Variants in IQSEC1 observed in about 807,000 individuals in gnomAD.
The protein encoded by IQSEC1 is IQ motif and SEC7 domain-containing protein 1.
Under a neutral mutation model 91.0 loss-of-function variants are expected in IQSEC1, and 31 were observed. That is an observed-to-expected ratio of 0.34 (90% confidence interval 0.26 to 0.46). IQSEC1 has a LOEUF of 0.46. Ranked by LOEUF, IQSEC1 falls within the 20% of genes least tolerant of loss-of-function variation. IQSEC1 has a pLI of 1.00. For missense variants in IQSEC1, 1,388 were observed against 1,575.6 expected (o/e 0.88, Z 2.02); for synonymous variants, 699 against 662.6 (o/e 1.05, Z -0.84).
At chr3:12,921,172 G>T (rs941569277) in intron 5 of IQSEC1, among the ~76,000 whole-genome samples, 3 of 152,168 alleles carry the variant, frequency 2.0e-5, no homozygotes, top group Non-Finnish European at 2.9e-5. Flanking sequence ...CCCTCCACTG[G>T]TGACCTCGTG....
chr3:12,996,582 T>TA (rs777575560), intron 1 of IQSEC1, among the ~76,000 whole-genome samples: 14 of 151,864 alleles, frequency 9.2e-5, no homozygotes, highest in Non-Finnish European at 1.8e-4. Flanking sequence ...GGAATCAAAA[T>TA]ACCATAAACA....
chr3:13,055,307 G>A (rs1187381608), intron 1 of IQSEC1, among the ~76,000 whole-genome samples: 2 of 152,164 alleles, frequency 1.3e-5, no homozygotes, highest in Non-Finnish European at 2.9e-5. Flanking sequence ...GGTGAGACTT[G>A]TCTGGGCCTC....
intron 2 of IQSEC1, among the ~76,000 whole-genome samples, chr3:13,162,869 C>A (rs1304175059): frequency 1.3e-5 from 2 of 152,118 alleles, no homozygotes; most frequent in African/African-American, 2.4e-5. Flanking sequence ...TCCCCAGACC[C>A]TAGCCTTTGT....
rs139859163 is a variant in IQSEC1, at chr3:12,935,828, G to C, written c.1188C>G (p.Ser396Arg). The change falls in exon 3 of 14, where the codon AGC becomes AGG. Residue 396 changes from serine (S) to arginine (R), a missense_variant. Around this residue, in one of 2 missense-constraint regions of IQSEC1, gnomAD observed 1,059 missense variants for 1,317.8 expected, o/e 0.80. Transcript: ENST00000613206. The surrounding 1 kb of genome is among the most constrained non-coding windows in gnomAD (Gnocchi z 8.0). ...TGGGACTGCCCTGCTGCCCGCCAAG[G>C]CTGCGCTCGTAAGCACTCTGCCTCT... ...SLKRQSAYER[S>R]LGGQQGSPKH... 4.4e-6 allele frequency: 7 copies of C among 1,608,292 alleles called. No homozygotes were observed. In the Admixed American group the frequency reaches 6.7e-5, roughly 15 times the overall value.
At chr3:13,163,927 C>T (rs988233838) in intron 2 of IQSEC1, among the ~76,000 whole-genome samples, 21 of 152,198 alleles carry the variant, frequency 1.4e-4, no homozygotes, top group African/African-American at 3.6e-4. Flanking sequence ...AGCCAACAGA[C>T]GTGCTCTGCA....
intron 1 of IQSEC1, among the ~76,000 whole-genome samples, chr3:13,265,379 C>T (rs1695469890): frequency 6.6e-6 from 1 of 152,222 alleles, no homozygotes; most frequent in African/African-American, 2.4e-5. Context: ...ACTTGGGCCC[C>T]AGGGGGACCC....
chr3:13,195,186 CACAA>C (rs927740774), intron 1 of IQSEC1, among the ~76,000 whole-genome samples: 2 of 152,136 alleles, frequency 1.3e-5, no homozygotes, highest in Admixed American at 6.5e-5. Context: ...GGGCAAAAGA[CACAA>C]ACAAACACTT....
At chr3:13,006,156 C>T (rs969225248) in intron 1 of IQSEC1, among the ~76,000 whole-genome samples, 15 of 152,226 alleles carry the variant, frequency 9.9e-5, no homozygotes, top group African/African-American at 3.6e-4. Context: ...GGTACCCAGG[C>T]CTCTCCTGGG....
At chr3:13,087,783 G>C (rs557311958) in intron 2 of IQSEC1, among the ~76,000 whole-genome samples, 3 of 152,254 alleles carry the variant, frequency 2.0e-5, no homozygotes, top group African/African-American at 7.2e-5. Flanking sequence ...AAGGTCAAGG[G>C]GCTTGCACCT....
intron 2 of IQSEC1, among the ~76,000 whole-genome samples, chr3:13,152,528 T>G (rs1357528786): frequency 6.6e-6 from 1 of 152,226 alleles, no homozygotes; most frequent in African/African-American, 2.4e-5. Context: ...TCTATCTCAG[T>G]AAAAAGCACT....
At chr3:13,179,682 G>C (rs545219986) in intron 1 of IQSEC1, among the ~76,000 whole-genome samples, 6 of 152,264 alleles carry the variant, frequency 3.9e-5, no homozygotes, top group African/African-American at 1.4e-4. Flanking sequence ...AGCCTGCCAC[G>C]GCACTGTGGG....
At chr3:13,234,978 G>A (rs182025470) in intron 1 of IQSEC1, among the ~76,000 whole-genome samples, 143 of 152,308 alleles carry the variant, frequency 9.4e-4, no homozygotes, top group Admixed American at 3.8e-3. Flanking sequence ...GGAAGAGATG[G>A]GTGCAGGAGA....
intron 1 of IQSEC1, among the ~76,000 whole-genome samples, chr3:13,277,800 C>T (rs1695718837): frequency 6.6e-6 from 1 of 152,200 alleles, no homozygotes; most frequent in Non-Finnish European, 1.5e-5. Context: ...CCCTCTCGGC[C>T]TCACTCAGTC....
chr3:13,001,052 G>T (rs1418628803), intron 1 of IQSEC1, among the ~76,000 whole-genome samples: 1 of 149,472 alleles, frequency 6.7e-6, no homozygotes, highest in Non-Finnish European at 1.5e-5. Context: ...CTGGGTTCAA[G>T]CAATTCTCCT....
intron 2 of IQSEC1, among the ~76,000 whole-genome samples, chr3:13,094,961 A>G (rs1410616219): frequency 1.3e-5 from 2 of 152,164 alleles, no homozygotes; most frequent in East Asian, 3.9e-4. Flanking sequence ...AGTGCTCCTA[A>G]GCTTGTGGCT....
chr3:13,194,076 C>T (rs1694082985), intron 1 of IQSEC1, among the ~76,000 whole-genome samples: 1 of 152,208 alleles, frequency 6.6e-6, no homozygotes, highest in South Asian at 2.1e-4. Context: ...CTAATCCCCT[C>T]TTCCTAAGAG....
Position 12,901,268 on chromosome 3 carries a change from C to T in IQSEC1, c.3060G>A (p.Pro1020=), listed in dbSNP as rs747490315. 3.9e-5 allele frequency: 61 copies of T among 1,546,116 alleles called. No homozygotes were observed. The highest frequency in any genetic ancestry group is 1.7e-4 in the Middle Eastern group (1 of 5,820). ...GHHLGPPEGL[P]QAAMHGHHTQ... is the part of the protein sequence containing the mutation. ...TGTGATGCCCGTGCATGGCGGCCTG[C>T]GGCAGCCCCTCTGGGGGCCCCAGGT... is the stretch of plus-strand genomic sequence containing the variant. The change falls in exon 14 of 14, where the codon CCG becomes CCA. Residue 1020 remains proline, a synonymous_variant. Coordinates refer to ENST00000613206, the MANE Select transcript of IQSEC1 (RefSeq NM_001134382.3).
At chr3:13,096,725 A>C (rs1705969834) in intron 2 of IQSEC1, among the ~76,000 whole-genome samples, 1 of 152,128 alleles carries the variant, frequency 6.6e-6, no homozygotes, top group Non-Finnish European at 1.5e-5. Flanking sequence ...ACATACCCAG[A>C]ATAGCACTGT....
intron 1 of IQSEC1, among the ~76,000 whole-genome samples, chr3:13,205,408 A>G (rs1313862233): frequency 6.6e-6 from 1 of 151,940 alleles, no homozygotes; most frequent in Non-Finnish European, 1.5e-5. Flanking sequence ...GCTGCCACAA[A>G]TCTGAAACGT....
Sources: gnomAD v4.1 joint callset for allele counts (sites outside exome capture counted in the v4.1 genomes callset) on GRCh38, gnomAD v4.1.1 for gene constraint, gnomAD v4.1.1 regional missense constraint, Gnocchi (gnomAD v3.1) non-coding constraint, MANE v1.5 for transcripts, NCBI Gene and HGNC (gene_info 2026-07-23, HGNC 2026-07-21) for gene names.